Variants in GALNT10 observed in about 807,000 individuals in gnomAD.
GALNT10 encodes polypeptide N-acetylgalactosaminyltransferase 10, also known as GalNAc transferase 10.
Under a neutral mutation model 75.0 loss-of-function variants are expected in GALNT10, and 41 were observed. The observed-to-expected ratio is 0.55, with a 90% CI of 0.43 to 0.71. The LOEUF is 0.71. GALNT10 is among the 30% of genes least tolerant of loss of function. The pLI, the probability that GALNT10 is intolerant of heterozygous loss-of-function variation, is 0.00. For synonymous variants in GALNT10, 302 were observed against 313.0 expected, an observed-to-expected ratio of 0.96 and a Z score of 0.37; for missense variants, 727 against 818.5, an observed-to-expected ratio of 0.89 and a Z score of 1.36.
At chr5:154,315,653 C>CAAGT (rs1261678296) in intron 3 of GALNT10, among the ~76,000 whole-genome samples, 3 of 152,232 alleles carry the variant, frequency 2.0e-5, no homozygotes, top group Non-Finnish European at 4.4e-5. Context: ...GGATTGGCGG[C>CAAGT]CCTGAGTCAG....
At chr5:154,225,941 C>G (rs2113659135) in intron 1 of GALNT10, among the ~76,000 whole-genome samples, 1 of 151,772 alleles carries the variant, frequency 6.6e-6, no homozygotes, top group South Asian at 2.1e-4. Context: ...AATGAGAACA[C>G]TTGGACACAG....
chr5:154,276,495 C>A (rs544873481), intron 1 of GALNT10, among the ~76,000 whole-genome samples: 31 of 152,244 alleles, frequency 2.0e-4, no homozygotes, highest in African/African-American at 7.2e-4. Flanking sequence ...TGCCATATAA[C>A]TTGATGTAAT....
intron 7 of GALNT10, among the ~76,000 whole-genome samples, chr5:154,400,085 C>T (rs13160265): frequency 1.3e-5 from 2 of 152,092 alleles, no homozygotes; most frequent in African/African-American, 4.8e-5. Flanking sequence ...CTTCAGTAAG[C>T]AGTGATTGTG....
intron 1 of GALNT10, among the ~76,000 whole-genome samples, chr5:154,196,446 C>T (rs1382323561): frequency 1.3e-5 from 2 of 152,140 alleles, no homozygotes; most frequent in African/African-American, 2.4e-5. Flanking sequence ...TATATTGGCT[C>T]CTGTGACTGT....
chr5:154,339,482 A>G (rs896400710), intron 4 of GALNT10, among the ~76,000 whole-genome samples: 12 of 151,894 alleles, frequency 7.9e-5, no homozygotes, highest in Non-Finnish European at 1.8e-4. Flanking sequence ...AAGAGTCAAT[A>G]TATCTATGGG....
intron 1 of GALNT10, among the ~76,000 whole-genome samples, chr5:154,264,288 G>A (rs1339594964): frequency 6.8e-6 from 1 of 147,738 alleles, no homozygotes; most frequent in African/African-American, 2.5e-5. Flanking sequence ...ACTCCAGCCT[G>A]GGAGACAGAG....
chr5:154,391,470 C>G (rs369210655), intron 7 of GALNT10, among the ~76,000 whole-genome samples: 26 of 152,322 alleles, frequency 1.7e-4, no homozygotes, highest in African/African-American at 6.3e-4. Flanking sequence ...CCTTCTCTGT[C>G]TGTCTCTCTC....
intron 1 of GALNT10, among the ~76,000 whole-genome samples, chr5:154,207,325 C>T (rs1775126183): frequency 6.6e-6 from 1 of 152,196 alleles, no homozygotes; most frequent in African/African-American, 2.4e-5. Flanking sequence ...CCCTCGAGAG[C>T]TGTCCTGGGA....
At chr5:154,329,217 A>G (rs921715237) in intron 3 of GALNT10, among the ~76,000 whole-genome samples, 1 of 152,220 alleles carries the variant, frequency 6.6e-6, no homozygotes, top group African/African-American at 2.4e-5. Flanking sequence ...GCTCTGTGCC[A>G]GGAACCAGGG....
At chr5:154,394,337 ACTCTGATTTTTTTTTTCCC>A (rs1395264677) in intron 7 of GALNT10, among the ~76,000 whole-genome samples, 2 of 120,382 alleles carry the variant, frequency 1.7e-5, no homozygotes, top group Non-Finnish European at 3.3e-5. Flanking sequence ...AAAAAAAAAA[ACTCTGATTTTTTTTTTCCC>A]ATAAAACTCA....
At chr5:154,209,244 A>G (rs1432761345) in intron 1 of GALNT10, among the ~76,000 whole-genome samples, 2 of 152,224 alleles carry the variant, frequency 1.3e-5, no homozygotes, top group Non-Finnish European at 2.9e-5. Context: ...CTGCCTGCCT[A>G]CTGAACACAC....
At chr5:154,309,874 T>G (rs975318715) in intron 3 of GALNT10, among the ~76,000 whole-genome samples, 1 of 152,198 alleles carries the variant, frequency 6.6e-6, no homozygotes, top group Non-Finnish European at 1.5e-5. Flanking sequence ...AGTGACAAGA[T>G]TTTTTTCTGA....
At chr5:154,273,710 T>C (rs1471458609) in intron 1 of GALNT10, among the ~76,000 whole-genome samples, 1 of 152,240 alleles carries the variant, frequency 6.6e-6, no homozygotes, top group East Asian at 1.9e-4. Context: ...TTTGGCTGCA[T>C]CTTTCACCAT....
intron 1 of GALNT10, among the ~76,000 whole-genome samples, chr5:154,217,837 G>T (rs116453242): frequency 0.022 from 3,302 of 152,294 alleles, 70 homozygotes; most frequent in Non-Finnish European, 0.035. Context: ...GTATGGAGAG[G>T]GCTTGTGCCT....
intron 1 of GALNT10, among the ~76,000 whole-genome samples, chr5:154,290,258 A>ATTTTTTTTTTTTTTTTT (rs71577131): frequency 2.3e-4 from 23 of 98,900 alleles, no homozygotes; most frequent in African/African-American, 2.4e-4. Context: ...CACTCAGCTA[A>ATTTTTTTTTTTTTTTTT]TTTTTTTTTT....
chr5:154,274,893 A>T (rs1002927967), intron 1 of GALNT10, among the ~76,000 whole-genome samples: 1 of 152,174 alleles, frequency 6.6e-6, no homozygotes, highest in Non-Finnish European at 1.5e-5. Flanking sequence ...ATGGGCATGC[A>T]TGCACTCGCC....
chr5:154,325,351 G>A (rs940919806), intron 3 of GALNT10, among the ~76,000 whole-genome samples: 1 of 151,952 alleles, frequency 6.6e-6, no homozygotes, highest in African/African-American at 2.4e-5. Context: ...CAAATAAGTA[G>A]CTATATTAAT....
chr5:154,269,375 A>T (rs1267096219), intron 1 of GALNT10, among the ~76,000 whole-genome samples: 1 of 152,222 alleles, frequency 6.6e-6, no homozygotes, highest in African/African-American at 2.4e-5. Flanking sequence ...CTTAATTTTT[A>T]AAAATACACA....
At chr5:154,200,867 T>A (rs555199682) in intron 1 of GALNT10, among the ~76,000 whole-genome samples, 1 of 152,222 alleles carries the variant, frequency 6.6e-6, no homozygotes, top group African/African-American at 2.4e-5. Context: ...TGAACAGTGA[T>A]GGCCCATAGA....
Sources: allele counts gnomAD v4.1 joint callset (sites outside exome capture counted in the v4.1 genomes callset), GRCh38; gene constraint gnomAD v4.1.1; transcripts MANE v1.5; gene names NCBI Gene and HGNC (gene_info 2026-07-23, HGNC 2026-07-21).